The following AURKAIP1 variants were observed in gnomAD, a reference collection of about 807,000 sequenced individuals.
The protein encoded by AURKAIP1 is small ribosomal subunit protein bS22, mitochondrial.
Under a neutral mutation model 18.4 loss-of-function variants are expected in AURKAIP1, and 20 were observed. The ratio of observed to expected loss-of-function variants is 1.09; its 90% CI spans 0.77 to 1.58. AURKAIP1 has a LOEUF of 1.58. Ranked by LOEUF, AURKAIP1 falls within the 40% of genes most tolerant of loss-of-function variation. The pLI is 0.00. For synonymous variants in AURKAIP1, 156 were observed against 120.8 expected, an observed-to-expected ratio of 1.29 and a Z score of -1.91; for missense variants, 319 against 270.7, an observed-to-expected ratio of 1.18 and a Z score of -1.25.
Position 1,374,772 on chromosome 1 carries a change from G to A in AURKAIP1, c.-16C>T, listed in dbSNP as rs1233497250. On this transcript the variant is annotated 5_prime_UTR_variant, in exon 2 of 4. Transcript: ENST00000338338. ...CCAGGAGCATGGTCTGTGGGCGGCGGCCACAGGTCCCAGGGGAGCTGGAAC... is the reference window on the plus strand; with the variant it reads ...CCAGGAGCATGGTCTGTGGGCGGCGACCACAGGTCCCAGGGGAGCTGGAAC... The A allele has an allele frequency of 9.0e-6, 14 of 1,553,286 alleles. No individual in the cohort carries two copies. The highest frequency in any genetic ancestry group is 1.7e-4 in the Middle Eastern group (1 of 5,778).
chr1:1,375,041 C>A (rs1050612554), intron 1 of AURKAIP1, 113 bp downstream of exon 1: 2 of 367,962 alleles, frequency 5.4e-6, no homozygotes, highest in African/African-American at 2.2e-5. Flanking sequence ...CCCGGGTTCA[C>A]CCCCGCGCGA....
Position 1,373,823 on chromosome 1 carries a change from T to C in AURKAIP1, c.578A>G (p.Lys193Arg), listed in dbSNP as rs145504661. The C allele has an allele frequency of 6.4e-5, 103 of 1,601,974 alleles. No homozygotes were observed. The African/African-American group carries it at 9.9e-4, about 15-fold the overall frequency. Residue 193 changes from lysine (K) to arginine (R), a missense_variant, in exon 4 of 4, where the codon AAG becomes AGG. By Grantham distance (26) the Lys-to-Arg change is conservative. Coordinates refer to ENST00000338338, the MANE Select transcript of AURKAIP1 (RefSeq NM_017900.3). ...GACTCATTTGCCCCGCAGGTAGATC[T>C]TGGGGGTCTGCCAGCCTTCGGGGGC... is the stretch of plus-strand genomic sequence containing the variant. ...KEAPEGWQTP[K>R]IYLRGK
Position 1,374,069 on chromosome 1 carries a change from G to C in AURKAIP1, c.429C>G (p.Tyr143Ter), listed in dbSNP as rs1231843531. The C allele has an allele frequency of 6.2e-7, 1 of 1,609,690 alleles. No individual in the cohort carries two copies. Residue 143 changes from tyrosine (Y) to a stop codon, truncating the protein, a stop_gained, in exon 3 of 4, where the codon TAC (tyrosine) becomes TAG (stop). Coordinates refer to ENST00000338338, the MANE Select transcript of AURKAIP1 (RefSeq NM_017900.3). LOFTEE classifies it high-confidence loss of function. ...ACCGCGTCTTCTTCACCAGCTTCCG[G>C]TACTTGTGGTGGTTCATCTTCCGCC... The part of the protein sequence containing the change: ...IRRRKMNHHK[Y>*]RKLVKKTRFL...
Position 1,374,727 on chromosome 1 carries a change from C to T in AURKAIP1, c.30G>A (p.Leu10=). The T allele has an allele frequency of 6.4e-7, 1 of 1,561,474 alleles. No homozygotes were observed. The highest frequency in any genetic ancestry group is 8.7e-7 in the Non-Finnish European group (1 of 1,153,118). The change falls in exon 2 of 4, where the codon CTG becomes CTA. Residue 10 remains leucine, a synonymous_variant. Transcript: ENST00000338338. ...TACCTGCCCAAGGAACGGCCCTCAACAGCTGGGAAGTCAGGCGCCCCAGGA... is the reference window on the plus strand; with the variant it reads ...TACCTGCCCAAGGAACGGCCCTCAATAGCTGGGAAGTCAGGCGCCCCAGGA... MLLGRLTSQ[L]LRAVPWAGGR...
chr1:1,374,615 TG>T, intron 2 of AURKAIP1, 89 bp downstream of exon 2: 1 of 1,434,016 alleles, frequency 7.0e-7, no homozygotes, highest in Non-Finnish European at 9.6e-7. Flanking sequence ...AGTGTGTGTG[TG>T]GCCACCGGCC....
Position 1,374,012 on chromosome 1 carries a change from C to T in AURKAIP1, c.486G>A (p.Leu162=), listed in dbSNP as rs1186535168. ...FLRRKVQEGR[L]RRKQIKFEKD... ...GGGGGCCACTCACCTGCTTGCGTCT[C>T]AGGCGTCCCTCCTGGACCTTCCTCC... The change falls in exon 3 of 4, where the codon CTG becomes CTA. Residue 162 remains leucine (L), a synonymous_variant. Coordinates refer to ENST00000338338, the MANE Select transcript of AURKAIP1 (RefSeq NM_017900.3). The T allele has an allele frequency of 6.2e-7, 1 of 1,608,444 alleles. No individual in the cohort carries two copies. The highest frequency in any genetic ancestry group is 1.1e-5 in the South Asian group (1 of 91,060).
Position 1,374,411 on chromosome 1 carries a change from C to T in AURKAIP1, c.87G>A (p.Leu29=). 2.7e-6 allele frequency: 4 copies of T among 1,464,326 alleles called. No individual in the cohort carries two copies. The highest frequency in any genetic ancestry group is 3.6e-6 in the Non-Finnish European group (4 of 1,114,354). 90.7% of individuals were successfully genotyped at this position (1,464,326 alleles called of 1,614,324 possible). Residue 29 remains leucine, a synonymous_variant, in exon 3 of 4, where the codon CTG becomes CTA. Transcript: ENST00000338338. ...AAAGGGGCCCGCAGACCCGGCTGCCCAGCACTCCAGAGACGGGCCAAGGCG... is the reference window on the plus strand; with the variant it reads ...AAAGGGGCCCGCAGACCCGGCTGCCTAGCACTCCAGAGACGGGCCAAGGCG... ...GRPPWPVSGV[L]GSRVCGPLYS... is the part of the protein sequence containing the mutation.
At chr1:1,374,501 G>C (rs1557695052) in intron 2 of AURKAIP1, 56 bp from the exon 3 acceptor site, 1 of 1,420,834 alleles carries the variant, frequency 7.0e-7, no homozygotes. Context: ...GGCCCGTCGG[G>C]TTGAGGAGCA....
rs1644316391 is a variant in AURKAIP1, at chr1:1,373,810, C to T, written c.591G>A (p.Arg197=). ...AAGGGCGGCGCCAGACTCATTTGCC[C>T]CGCAGGTAGATCTTGGGGGTCTGCC... The part of the protein sequence containing the change: ...EGWQTPKIYL[R]GK Residue 197 remains arginine, a synonymous_variant, in exon 4 of 4, where the codon CGG becomes CGA. Transcript: ENST00000338338. 1 of 1,600,050 alleles carries T rather than the reference C, an allele frequency of 6.2e-7. No individual in the cohort carries two copies. Among genetic ancestry groups the T allele is most frequent in the Non-Finnish European group, 8.5e-7 (1 of 1,179,828 alleles).
chr1:1,374,605 A>AGT (rs1293877077), intron 2 of AURKAIP1, 100 bp downstream of exon 2: 19 of 1,401,576 alleles, frequency 1.4e-5, no homozygotes, highest in Non-Finnish European at 1.9e-5. Flanking sequence ...GAGGGGAAAG[A>AGT]GTGTGTGTGT....
intron 2 of AURKAIP1, 102 bp downstream of exon 2, chr1:1,374,603 A>G: frequency 7.1e-7 from 1 of 1,401,368 alleles, no homozygotes; most frequent in Non-Finnish European, 9.9e-7. Flanking sequence ...TAGAGGGGAA[A>G]GAGTGTGTGT....
Position 1,374,865 on chromosome 1 carries a change from T to C in AURKAIP1, c.-34-75A>G, listed in dbSNP as rs1034670887. 29 of 1,025,470 alleles carry C rather than the reference T, an allele frequency of 2.8e-5. No homozygotes were observed. In the African/African-American group the frequency reaches 3.3e-4, roughly 12 times the overall value. 63.5% of individuals were successfully genotyped at this position (1,025,470 alleles called of 1,614,324 possible). On this transcript the variant is annotated intron_variant, in intron 1 of 3. Coordinates refer to ENST00000338338, the MANE Select transcript of AURKAIP1 (RefSeq NM_017900.3). ...GCGGGCGGGCCGGGACTGGGGCGTC[T>C]GGTCCCGCCGCGACCCTCGCTTCCC...
At chr1:1,374,988 C>T (rs1259914612) in intron 1 of AURKAIP1, 166 bp downstream of exon 1, 2 of 495,478 alleles carry the variant, frequency 4.0e-6, no homozygotes, top group Non-Finnish European at 7.2e-6. Context: ...GTGTCGCGCT[C>T]GGACGCACCG....
intron 1 of AURKAIP1, 79 bp from the exon 2 acceptor site, chr1:1,374,869 C>G: frequency 2.2e-6 from 2 of 929,160 alleles, no homozygotes; most frequent in South Asian, 1.8e-5. Context: ...GGCGTCTGGT[C>G]CCGCCGCGAC....
Position 1,374,462 on chromosome 1 carries a change from G to A in AURKAIP1, c.53-17C>T, listed in dbSNP as rs764487926. 6.9e-7 allele frequency: 1 copy of A among 1,440,988 alleles called. No individual in the cohort carries two copies. The highest frequency in any genetic ancestry group is 9.1e-7 in the Non-Finnish European group (1 of 1,101,292). The allele number at this position is 1,440,988 out of a possible 1,614,324, so 89.3% of individuals were successfully genotyped here. Reference sequence around the variant, plus strand: ...GGCGGCCGCCTGCAGAAAACCAGACGCCACGGTCACCGCTCGCGAGACCAC... The same window carrying A: ...GGCGGCCGCCTGCAGAAAACCAGACACCACGGTCACCGCTCGCGAGACCAC... On this transcript the variant is annotated splice_polypyrimidine_tract_variant and intron_variant, in intron 2 of 3. Transcript: ENST00000338338.
At position 1,373,828 on chromosome 1, in the gene AURKAIP1, G is replaced by T; in HGVS notation, c.573C>A (p.Thr191=). 1.2e-6 allele frequency: 2 copies of T among 1,602,660 alleles called. No homozygotes were observed. Among genetic ancestry groups the T allele is most frequent in the East Asian group, 2.2e-5 (1 of 44,878 alleles). Residue 191 remains threonine, a synonymous_variant, in exon 4 of 4, where the codon ACC becomes ACA. Transcript: ENST00000338338. ...ATTTGCCCCGCAGGTAGATCTTGGG[G>T]GTCTGCCAGCCTTCGGGGGCTTCCT... ...GLKEAPEGWQ[T]PKIYLRGK
rs1644319554 is a variant in AURKAIP1, at chr1:1,373,993, C to CA, written c.498+6dup. The CA allele has an allele frequency of 6.2e-7, 1 of 1,608,406 alleles. No individual in the cohort carries two copies. Among genetic ancestry groups the CA allele is most frequent in the African/African-American group, 1.3e-5 (1 of 74,846 alleles). ...GCCCTCCCAGGGCCAAGCAGGGGGC[C>CA]ACTCACCTGCTTGCGTCTCAGGCGT... On this transcript the variant is annotated splice_region_variant and intron_variant, in intron 3 of 3. Coordinates refer to ENST00000338338, the MANE Select transcript of AURKAIP1 (RefSeq NM_017900.3).
intron 1 of AURKAIP1, 23 bp from the exon 2 acceptor site, chr1:1,374,813 G>T: frequency 6.6e-7 from 1 of 1,509,284 alleles, no homozygotes; most frequent in South Asian, 1.2e-5. Context: ...TGCCCGTTCA[G>T]GTCAGGCGGC....
At position 1,373,767 on chromosome 1, in the gene AURKAIP1, A is replaced by C; in HGVS notation, c.*34T>G. 1 of 1,561,400 alleles carries C rather than the reference A, an allele frequency of 6.4e-7. No individual in the cohort carries two copies. Among genetic ancestry groups the C allele is most frequent in the Middle Eastern group, 2.3e-4 (1 of 4,400 alleles). ...CTCTGAGAATTTATTACTACGGATC[A>C]CAGCAGCAACGGGCGGGAAGGGCGG... On this transcript the variant is annotated 3_prime_UTR_variant, in exon 4 of 4. Transcript: ENST00000338338.
Sources: allele counts gnomAD v4.1 joint callset, GRCh38; gene constraint gnomAD v4.1.1; transcripts MANE v1.5; gene names NCBI Gene and HGNC (gene_info 2026-07-23, HGNC 2026-07-21).